Variants in CEP89 observed in about 807,000 individuals in gnomAD.
CEP89 encodes centrosomal protein 89, also known as centrosomal protein of 89 kDa.
In CEP89, 95 loss-of-function variants were observed where a neutral mutation model predicts 97.6. The observed-to-expected ratio is 0.97, with a 90% CI of 0.82 to 1.15. The LOEUF (loss-of-function observed/expected upper bound fraction) is 1.15, where lower values mean the gene tolerates loss of function less well. CEP89 is among the 50% of genes most tolerant of loss of function. The probability of loss-of-function intolerance (pLI) is 0.00; values close to 1 mark genes in which losing one functional copy is unlikely to be tolerated. For synonymous variants in CEP89, 354 were observed against 349.1 expected (o/e 1.01, Z -0.16); for missense variants, 869 against 947.7 (o/e 0.92, Z 1.09).
chr19:32,908,465 G>A (rs549523025), intron 14 of CEP89, among the ~76,000 whole-genome samples: 5 of 152,316 alleles, frequency 3.3e-5, no homozygotes, highest in South Asian at 2.1e-4. Flanking sequence ...GGGCTGTCCC[G>A]CGGAAGGGGC....
At chr19:32,934,403 G>C (rs1295599092) in intron 7 of CEP89, among the ~76,000 whole-genome samples, 1 of 152,214 alleles carries the variant, frequency 6.6e-6, no homozygotes, top group African/African-American at 2.4e-5. Context: ...GGAAGAGCAA[G>C]AAAGTGGGGT....
chr19:32,883,361 C>T (rs1969326508), intron 17 of CEP89, among the ~76,000 whole-genome samples: 1 of 151,468 alleles, frequency 6.6e-6, no homozygotes, highest in African/African-American at 2.4e-5. Context: ...TATTTGTGAC[C>T]AACAAATGCT....
At position 32,879,272 on chromosome 19, in the gene CEP89, T is replaced by C; in HGVS notation, c.2242A>G (p.Asn748Asp). ...DTLTRTGVQD[N>D]PRALVAPSLN... ...CTGGGGGCAACCAGAGCTCTGGGGT[T>C]GTCCTGCACGCCTGTCCTCGTGAGT... Residue 748 changes from asparagine to aspartate, a missense_variant, in exon 19 of 19, where the codon AAC becomes GAC. By Grantham distance (23) the Asn-to-Asp change is conservative. Coordinates refer to ENST00000305768, the MANE Select transcript of CEP89 (RefSeq NM_032816.5). The C allele has an allele frequency of 5.0e-6, 8 of 1,614,248 alleles. No individual in the cohort carries two copies. Among genetic ancestry groups the C allele is most frequent in the Non-Finnish European group, 5.9e-6 (7 of 1,180,040 alleles).
chr19:32,877,194 A>G lies in CEP89; in HGVS notation c.*1968T>C, dbSNP rs1053560023. ...AATAAAATTAAATTACAATGATTCA[A>G]CTGTTGAACAAGCTTATAGAGTCAT... On this transcript the variant is annotated 3_prime_UTR_variant, in exon 19 of 19. Coordinates refer to ENST00000305768, the MANE Select transcript of CEP89 (RefSeq NM_032816.5). 2 of 152,180 alleles carry G rather than the reference A, an allele frequency of 1.3e-5. No individual in the cohort carries two copies. Among genetic ancestry groups the G allele is most frequent in the East Asian group, 3.9e-4 (2 of 5,180 alleles). The allele number at this position is 152,180 out of a possible 1,614,324, so 9.4% of individuals were successfully genotyped here. A position where few individuals can be genotyped will look rare whatever the true frequency, so the allele number is the denominator to read the frequency against.
At chr19:32,964,440 G>T (rs1341790015) in intron 2 of CEP89, among the ~76,000 whole-genome samples, 1 of 152,176 alleles carries the variant, frequency 6.6e-6, no homozygotes, top group Non-Finnish European at 1.5e-5. Flanking sequence ...CCAAATTGCT[G>T]GGATTATAGG....
At chr19:32,926,406 C>T in intron 10 of CEP89, 133 bp from the exon 11 acceptor site, 2 of 670,016 alleles carry the variant, frequency 3.0e-6, no homozygotes, top group Non-Finnish European at 5.2e-6. Flanking sequence ...TTTTTAACGA[C>T]TCTCCCAGCT....
chr19:32,887,669 A>G (rs1462340265), intron 17 of CEP89, 83 bp downstream of exon 17: 1 of 836,414 alleles, frequency 1.2e-6, no homozygotes, highest in African/African-American at 1.7e-5. Context: ...AAAAGGTGTC[A>G]TTTTCTTAAA....
At chr19:32,890,153 T>A (rs547078801) in intron 16 of CEP89, among the ~76,000 whole-genome samples, 1 of 152,264 alleles carries the variant, frequency 6.6e-6, no homozygotes, top group East Asian at 1.9e-4. Flanking sequence ...ACGCCTGTAA[T>A]CCCAGCACTT....
In CEP89 at chr19:32,953,509, C is replaced by T. The variant is rs1401895703; in HGVS notation, c.492+106G>A. ...AAAAAAATAAGCCCCAAAGCAAATG[C>T]TATCAAATGCAGAATAGAGAGAAGA... On this transcript the variant is annotated intron_variant, in intron 4 of 18. Coordinates refer to ENST00000305768, the MANE Select transcript of CEP89 (RefSeq NM_032816.5). 4.7e-6 allele frequency: 4 copies of T among 852,258 alleles called. No homozygotes were observed. In the African/African-American group the frequency reaches 5.0e-5, roughly 11 times the overall value. 52.8% of individuals were successfully genotyped at this position (852,258 alleles called of 1,614,324 possible).
chr19:32,909,327 A>G (rs529323436), intron 14 of CEP89, among the ~76,000 whole-genome samples: 1 of 152,314 alleles, frequency 6.6e-6, no homozygotes, highest in East Asian at 1.9e-4. Flanking sequence ...CATTGCATGC[A>G]CCTTATCTAT....
At chr19:32,951,560 C>CAT (rs1167492053) in intron 4 of CEP89, among the ~76,000 whole-genome samples, 6 of 150,880 alleles carry the variant, frequency 4.0e-5, no homozygotes, top group Admixed American at 4.0e-4. Context: ...CACACACACA[C>CAT]ACACACGCAC....
chr19:32,933,376 T>G (rs921810310), intron 8 of CEP89, 75 bp downstream of exon 8: 28 of 1,092,104 alleles, frequency 2.6e-5, no homozygotes, highest in Non-Finnish European at 3.2e-5. Flanking sequence ...TATCACAACA[T>G]AAAATATTAA....
intron 14 of CEP89, among the ~76,000 whole-genome samples, chr19:32,912,128 A>T (rs991631555): frequency 2.6e-5 from 4 of 151,202 alleles, no homozygotes; most frequent in African/African-American, 9.7e-5. Context: ...GCTTGAACCC[A>T]GGAGGTGGAG....
chr19:32,905,653 A>C (rs780116893), intron 14 of CEP89, among the ~76,000 whole-genome samples: 1 of 152,194 alleles, frequency 6.6e-6, no homozygotes, highest in Non-Finnish European at 1.5e-5. Context: ...ACAAATTTAA[A>C]TTTGTGTGAA....
In CEP89 at chr19:32,960,019, A is replaced by G. The variant is rs2145969105; in HGVS notation, c.186T>C (p.Thr62=). 6.2e-7 allele frequency: 1 copy of G among 1,614,246 alleles called. No individual in the cohort carries two copies. Among genetic ancestry groups the G allele is most frequent in the Non-Finnish European group, 8.5e-7 (1 of 1,180,042 alleles). ...LAAAILATTL[T]GRTVAIPQPR... ...GCTGAGGAATAGCAACCGTCCGCCC[A>G]GTCAATGTTGTCGCCAGAATGGCTG... The change falls in exon 3 of 19, where the codon ACT becomes ACC. Residue 62 remains threonine, a synonymous_variant. Coordinates refer to ENST00000305768, the MANE Select transcript of CEP89 (RefSeq NM_032816.5).
At chr19:32,964,614 T>C (rs183535737) in intron 2 of CEP89, among the ~76,000 whole-genome samples, 1 of 152,352 alleles carries the variant, frequency 6.6e-6, no homozygotes, top group East Asian at 1.9e-4. Context: ...GGATGAATTA[T>C]TGACTTTCGG....
chr19:32,929,328 A>G (rs1157199457), intron 9 of CEP89, among the ~76,000 whole-genome samples: 1 of 152,096 alleles, frequency 6.6e-6, no homozygotes, highest in African/African-American at 2.4e-5. Flanking sequence ...AGGGCCGGGC[A>G]TGGTGGTTCA....
intron 16 of CEP89, among the ~76,000 whole-genome samples, chr19:32,892,220 T>TATATTTAGAC (rs1555788337): frequency 1.1e-5 from 1 of 88,964 alleles, no homozygotes; most frequent in Non-Finnish European, 2.4e-5. Context: ...TATATATATA[T>TATATTTAGAC]ATATATATAT....
chr19:32,922,367 C>T (rs369640176), intron 12 of CEP89, among the ~76,000 whole-genome samples: 2 of 152,032 alleles, frequency 1.3e-5, no homozygotes. Flanking sequence ...CCCAGTGAGA[C>T]TCTGTATCTA....
Sources: gnomAD v4.1 joint callset for allele counts (sites outside exome capture counted in the v4.1 genomes callset) on GRCh38, gnomAD v4.1.1 for gene constraint, MANE v1.5 for transcripts, NCBI Gene and HGNC (gene_info 2026-07-23, HGNC 2026-07-21) for gene names.